PRKN: variants seen among roughly 807,000 people sequenced by gnomAD.
PRKN encodes the protein parkin RBR E3 ubiquitin protein ligase.
A neutral mutation model predicts 59.5 loss-of-function variants in PRKN; 56 were observed. The observed-to-expected ratio is 0.94, with a 90% CI of 0.76 to 1.18. The LOEUF (loss-of-function observed/expected upper bound fraction) is 1.18, where lower values mean the gene tolerates loss of function less well. PRKN is among the 50% of genes most tolerant of loss of function. The probability of loss-of-function intolerance (pLI) is 0.00; values close to 1 mark genes in which losing one functional copy is unlikely to be tolerated. For synonymous variants in PRKN, 250 were observed against 222.1 expected (o/e 1.13, Z -1.12); for missense variants, 657 against 596.4 (o/e 1.10, Z -1.06).
rs1014907196 is a variant in PRKN, at chr6:161,377,246, C to T, written c.1167+9548G>A. Reference sequence around the variant, plus strand: ...GCCCTGTGGAGTTGGAGCATCTGTGCAGCAATTGTCATAAGACAGAAGTGG... The same window carrying T: ...GCCCTGTGGAGTTGGAGCATCTGTGTAGCAATTGTCATAAGACAGAAGTGG... On this transcript the variant is annotated intron_variant, in intron 10 of 11. Coordinates refer to ENST00000366898, the MANE Select transcript of PRKN (RefSeq NM_004562.3). This position sits in a 1 kb window ranked among gnomAD's most constrained non-coding sequence, Gnocchi z 4.2. 2.0e-5 allele frequency among the ~76,000 whole-genome samples: 3 copies of T among 152,230 alleles called. No individual in the cohort carries two copies. Among genetic ancestry groups the T allele is most frequent in the Non-Finnish European group, 4.4e-5 (3 of 68,040 alleles).
intron 1 of PRKN, among the ~76,000 whole-genome samples, chr6:162,448,258 A>C (rs1447038162): frequency 1.3e-5 from 2 of 152,056 alleles, no homozygotes; most frequent in African/African-American, 4.8e-5. Context: ...TTTCTTCTGC[A>C]CCTTTGAGAA....
intron 1 of PRKN, among the ~76,000 whole-genome samples, chr6:162,725,929 TGCACTATGTAAAACCATG>T (rs1380923207): frequency 6.6e-6 from 1 of 152,220 alleles, no homozygotes. Context: ...CACACTTATT[TGCACTATGTAAAACCATG>T]GCTGGAGTGA....
intron 6 of PRKN, among the ~76,000 whole-genome samples, chr6:161,799,318 G>A (rs1229054593): frequency 6.6e-6 from 1 of 152,212 alleles, no homozygotes; most frequent in Non-Finnish European, 1.5e-5. Flanking sequence ...CTCAAGGAAT[G>A]AATGACTATC....
In PRKN at chr6:162,623,150, C is replaced by T. The variant is rs1166272524; in HGVS notation, c.7+104512G>A. On this transcript the variant is annotated intron_variant, in intron 1 of 11. Coordinates refer to ENST00000366898, the MANE Select transcript of PRKN (RefSeq NM_004562.3). Reference sequence around the variant, plus strand: ...TTTGGATCTTGTTCGTTAGCTTCTTCGGGTCATAAATGCCTCATGCTGATA... The same window carrying T: ...TTTGGATCTTGTTCGTTAGCTTCTTTGGGTCATAAATGCCTCATGCTGATA... Among the ~76,000 whole-genome samples, 3 of 152,148 alleles carry T rather than the reference C, an allele frequency of 2.0e-5. No individual in the cohort carries two copies. The South Asian group carries it at 6.2e-4, about 31-fold the overall frequency.
chr6:162,378,820 TTTGGGGTCAG>T (rs754996643), intron 2 of PRKN, among the ~76,000 whole-genome samples: 3 of 152,184 alleles, frequency 2.0e-5, no homozygotes, highest in African/African-American at 7.2e-5. Flanking sequence ...TAATGGGGCA[TTTGGGGTCAG>T]TTTTAAGATG....
At chr6:162,626,482 G>A (rs1782899918) in intron 1 of PRKN, among the ~76,000 whole-genome samples, 1 of 152,108 alleles carries the variant, frequency 6.6e-6, no homozygotes, top group South Asian at 2.1e-4. Context: ...ACAGATGAAA[G>A]AAACAGAATA....
intron 6 of PRKN, among the ~76,000 whole-genome samples, chr6:161,864,294 T>C (rs1468268459): frequency 3.3e-5 from 5 of 152,200 alleles, no homozygotes; most frequent in Non-Finnish European, 7.4e-5. Flanking sequence ...ATCTCAACAA[T>C]GTTCACACCA....
intron 6 of PRKN, among the ~76,000 whole-genome samples, chr6:161,808,660 T>C (rs527828650): frequency 1.4e-4 from 21 of 152,192 alleles, no homozygotes; most frequent in African/African-American, 4.8e-4. Flanking sequence ...TTTAATTGTA[T>C]TGAGAGATGA....
chr6:162,302,903 C>T (rs1011440279), intron 2 of PRKN, among the ~76,000 whole-genome samples: 2 of 150,534 alleles, frequency 1.3e-5, no homozygotes, highest in Non-Finnish European at 3.0e-5. Flanking sequence ...CTTTTACCAA[C>T]CTCATTGAAC....
At chr6:161,514,732 G>A (rs866019684) in intron 9 of PRKN, among the ~76,000 whole-genome samples, 3 of 152,086 alleles carry the variant, frequency 2.0e-5, no homozygotes, top group Non-Finnish European at 2.9e-5. Context: ...GTGACTAGGG[G>A]CTGAAAGAAA....
chr6:162,111,523 C>T (rs759006237), intron 4 of PRKN, among the ~76,000 whole-genome samples: 3 of 152,058 alleles, frequency 2.0e-5, no homozygotes, highest in East Asian at 1.9e-4. Context: ...CACGCACACA[C>T]GGACGTGCAC....
At position 161,413,321 on chromosome 6, in the gene PRKN, G is replaced by A. The variant is rs562265366; in HGVS notation, c.1084-26444C>T. On this transcript the variant is annotated intron_variant, in intron 9 of 11. Transcript: ENST00000366898. The surrounding 1 kb of genome is among the most constrained non-coding windows in gnomAD (Gnocchi z 4.4). ...ACTGCCAGGGTCCTGTCCTCCCTCC[G>A]CTTTCCCTTCACTTCCTGAGTCTCT... is the stretch of plus-strand genomic sequence containing the variant. Among the ~76,000 whole-genome samples, 3 of 151,994 alleles carry A rather than the reference G, an allele frequency of 2.0e-5. No individual in the cohort carries two copies. Among genetic ancestry groups the A allele is most frequent in the Non-Finnish European group, 4.4e-5 (3 of 68,012 alleles).
chr6:161,669,259 T>C (rs1447532895), intron 7 of PRKN, among the ~76,000 whole-genome samples: 2 of 152,194 alleles, frequency 1.3e-5, no homozygotes, highest in Admixed American at 6.5e-5. Context: ...ATGTTGTTGT[T>C]TGTAAGATAC....
chr6:161,626,790 G>C (rs977037978), intron 7 of PRKN, among the ~76,000 whole-genome samples: 5 of 152,222 alleles, frequency 3.3e-5, no homozygotes, highest in Admixed American at 2.6e-4. Context: ...CGGCTGGCTG[G>C]TGCCGCAGGC....
intron 7 of PRKN, among the ~76,000 whole-genome samples, chr6:161,760,601 T>C (rs1281944219): frequency 6.6e-6 from 1 of 151,942 alleles, no homozygotes; most frequent in African/African-American, 2.4e-5. Flanking sequence ...GAGTCCCTGT[T>C]TCCCCCTTTT....
At chr6:162,093,419 C>T (rs1779592128) in intron 4 of PRKN, among the ~76,000 whole-genome samples, 1 of 152,060 alleles carries the variant, frequency 6.6e-6, no homozygotes. Flanking sequence ...AACCAATTTG[C>T]AGATCTCCGT....
chr6:162,625,618 T>C (rs1468488121), intron 1 of PRKN, among the ~76,000 whole-genome samples: 1 of 152,142 alleles, frequency 6.6e-6, no homozygotes, highest in African/African-American at 2.4e-5. Context: ...TCCCTTATTG[T>C]CTTTCTCCAC....
Position 161,625,508 on chromosome 6 carries a change from C to T in PRKN, c.872-56092G>A, listed in dbSNP as rs189790229. On this transcript the variant is annotated intron_variant, in intron 7 of 11. Coordinates refer to ENST00000366898, the MANE Select transcript of PRKN (RefSeq NM_004562.3). ...AGCAAACCAACATGGCACATGTACACCTATGTAACGAACCTGCATGTTGTG... is the reference window on the plus strand; with the variant it reads ...AGCAAACCAACATGGCACATGTACATCTATGTAACGAACCTGCATGTTGTG... Among the ~76,000 whole-genome samples, 182 of 152,240 alleles carry T rather than the reference C, an allele frequency of 1.2e-3. 1 individual carries two copies. The Middle Eastern group carries it at 0.014, about 11-fold the overall frequency.
chr6:162,440,583 CATG>C (rs1206188215), intron 2 of PRKN, among the ~76,000 whole-genome samples: 2 of 152,056 alleles, frequency 1.3e-5, no homozygotes, highest in Non-Finnish European at 2.9e-5. Flanking sequence ...TCTCATTTTG[CATG>C]ATAAGCTAAT....
Sources: allele counts gnomAD v4.1 joint callset (sites outside exome capture counted in the v4.1 genomes callset), GRCh38; gene constraint gnomAD v4.1.1; non-coding constraint Gnocchi (gnomAD v3.1); transcripts MANE v1.5; gene names NCBI Gene and HGNC (gene_info 2026-07-23, HGNC 2026-07-21).